PTPRN2: variants seen among roughly 807,000 people sequenced by gnomAD.
The protein encoded by PTPRN2 is protein tyrosine phosphatase receptor type N2.
In PTPRN2, 74 loss-of-function variants were observed where a neutral mutation model predicts 118.8. The ratio of observed to expected loss-of-function variants is 0.62; its 90% CI spans 0.52 to 0.76. The LOEUF (loss-of-function observed/expected upper bound fraction) is 0.76. Ranked by LOEUF, PTPRN2 falls within the 30% of genes least tolerant of loss-of-function variation. PTPRN2 has a pLI of 0.00. For synonymous variants in PTPRN2, 641 were observed against 608.0 expected (o/e 1.05, Z -0.80); for missense variants, 1,481 against 1,394.4 (o/e 1.06, Z -0.99).
At chr7:158,028,585 C>T (rs1218665125) in intron 11 of PTPRN2, 4 of 152,298 alleles carry the variant, frequency 2.6e-5, no homozygotes, top group South Asian at 2.1e-4. Context: ...ACTAACCAAC[C>T]GACGCAGCCC....
At chr7:157,970,641 C>A (rs1802260882) in intron 11 of PTPRN2, among the ~76,000 whole-genome samples, 1 of 150,324 alleles carries the variant, frequency 6.7e-6, no homozygotes. Context: ...AGCGGACCCC[C>A]CCCCCCACAG....
intron 21 of PTPRN2, among the ~76,000 whole-genome samples, chr7:157,559,376 C>T (rs1799065198): frequency 6.6e-6 from 1 of 152,156 alleles, no homozygotes; most frequent in African/African-American, 2.4e-5. Flanking sequence ...CCCTGCAGCC[C>T]TCCACATGGG....
At chr7:157,922,243 A>G (rs988999767) in intron 11 of PTPRN2, among the ~76,000 whole-genome samples, 7 of 152,188 alleles carry the variant, frequency 4.6e-5, no homozygotes, top group African/African-American at 1.7e-4. Flanking sequence ...TCTGTTCAAC[A>G]TCTTCATACG....
At chr7:157,737,432 G>GC (rs1254537426) in intron 12 of PTPRN2, among the ~76,000 whole-genome samples, 4 of 152,284 alleles carry the variant, frequency 2.6e-5, no homozygotes, top group African/African-American at 9.6e-5. Context: ...AGCCCTACAT[G>GC]CAGGAGCATG....
At chr7:157,663,948 C>T (rs764912455) in intron 13 of PTPRN2, among the ~76,000 whole-genome samples, 6 of 152,316 alleles carry the variant, frequency 3.9e-5, no homozygotes, top group South Asian at 4.2e-4. Context: ...CCAGTGCCAA[C>T]GAGACAAACC....
intron 14 of PTPRN2, among the ~76,000 whole-genome samples, chr7:157,645,953 T>C (rs1444494988): frequency 6.6e-6 from 1 of 152,212 alleles, no homozygotes; most frequent in East Asian, 1.9e-4. Flanking sequence ...ACTGTAAAGC[T>C]GCTTTTGAAA....
chr7:157,910,531 AC>A (rs1798042060), intron 11 of PTPRN2, among the ~76,000 whole-genome samples: 1 of 152,190 alleles, frequency 6.6e-6, no homozygotes, highest in Non-Finnish European at 1.5e-5. Context: ...AGGATCACGC[AC>A]GTACGCCGTA....
chr7:157,816,295 T>C (rs1469432230), intron 12 of PTPRN2, among the ~76,000 whole-genome samples: 2 of 152,120 alleles, frequency 1.3e-5, no homozygotes, highest in East Asian at 3.9e-4. Context: ...CTGCTCGGTG[T>C]GGTCGGGGGC....
intron 11 of PTPRN2, among the ~76,000 whole-genome samples, chr7:158,063,312 GCT>G (rs1299143763): frequency 6.6e-6 from 1 of 152,184 alleles, no homozygotes; most frequent in African/African-American, 2.4e-5. Flanking sequence ...TCTGTGTCTA[GCT>G]CAAGGTTTAT....
intron 11 of PTPRN2, among the ~76,000 whole-genome samples, chr7:157,940,226 C>T (rs556126071): frequency 4.6e-5 from 7 of 152,272 alleles, no homozygotes; most frequent in South Asian, 2.1e-4. Flanking sequence ...AACTCAGCCC[C>T]GGCTCCTTTC....
At chr7:158,134,817 C>A (rs1176987505) in intron 8 of PTPRN2, among the ~76,000 whole-genome samples, 1 of 152,144 alleles carries the variant, frequency 6.6e-6, no homozygotes, top group Non-Finnish European at 1.5e-5. Context: ...AATTACTACT[C>A]CAACCCCATA....
At chr7:157,723,820 C>A (rs765008753) in intron 12 of PTPRN2, among the ~76,000 whole-genome samples, 4 of 152,190 alleles carry the variant, frequency 2.6e-5, no homozygotes, top group African/African-American at 9.7e-5. Flanking sequence ...TGCCCCAAAG[C>A]GAATCCACCA....
chr7:158,323,919 TCACA>T (rs1357947484), intron 2 of PTPRN2, among the ~76,000 whole-genome samples: 2 of 151,958 alleles, frequency 1.3e-5, no homozygotes, highest in African/African-American at 4.8e-5. Flanking sequence ...CACGGGACAC[TCACA>T]CATACACACA....
chr7:158,329,842 A>C (rs1424396909), intron 2 of PTPRN2, among the ~76,000 whole-genome samples: 1 of 152,128 alleles, frequency 6.6e-6, no homozygotes, highest in Non-Finnish European at 1.5e-5. Context: ...ACGGAGACTC[A>C]CTTTCACTTT....
intron 19 of PTPRN2, among the ~76,000 whole-genome samples, chr7:157,574,880 T>C (rs1799945144): frequency 6.6e-6 from 1 of 152,248 alleles, no homozygotes; most frequent in Non-Finnish European, 1.5e-5. Flanking sequence ...ACATGAAAGG[T>C]GGCCTTGGCC....
At chr7:158,027,312 A>G (rs1297612057) in intron 11 of PTPRN2, 1 of 152,232 alleles carries the variant, frequency 6.6e-6, no homozygotes, top group Non-Finnish European at 1.5e-5. Context: ...CTCTCAAATG[A>G]AATCATGTGA....
At chr7:158,414,088 A>AAAC (rs61405192) in intron 2 of PTPRN2, among the ~76,000 whole-genome samples, 99 of 151,466 alleles carry the variant, frequency 6.5e-4, no homozygotes, top group African/African-American at 2.3e-3. Flanking sequence ...AAAAAAAAAA[A>AAAC]AAGGAAGCAA....
chr7:158,107,135 C>T (rs538366429), intron 10 of PTPRN2, among the ~76,000 whole-genome samples: 2 of 152,198 alleles, frequency 1.3e-5, no homozygotes, highest in East Asian at 1.9e-4. Context: ...ATCGCTGCTG[C>T]CCCCCTTCTC....
At chr7:157,579,061 C>T (rs1800211089) in intron 17 of PTPRN2, among the ~76,000 whole-genome samples, 1 of 152,198 alleles carries the variant, frequency 6.6e-6, no homozygotes, top group South Asian at 2.1e-4. Context: ...CAATTAAGAC[C>T]TTGTTATTTT....
Sources: allele counts gnomAD v4.1 joint callset (sites outside exome capture counted in the v4.1 genomes callset), GRCh38; gene constraint gnomAD v4.1.1; transcripts MANE v1.5; gene names NCBI Gene and HGNC (gene_info 2026-07-23, HGNC 2026-07-21).